LAMTOR3: variants seen among roughly 807,000 people sequenced by gnomAD.
LAMTOR3 encodes the protein ragulator complex protein LAMTOR3.
Under a neutral mutation model 20.3 loss-of-function variants are expected in LAMTOR3, and 14 were observed. That is an observed-to-expected ratio of 0.69 (90% CI 0.46 to 1.08). The LOEUF (loss-of-function observed/expected upper bound fraction) is 1.08. Ranked by LOEUF, LAMTOR3 falls within the 50% of genes least tolerant of loss-of-function variation. LAMTOR3 has a pLI of 0.00. For synonymous variants in LAMTOR3, 40 were observed against 49.4 expected (o/e 0.81, Z 0.80); for missense variants, 125 against 143.7 (o/e 0.87, Z 0.67).
At chr4:99,885,804 T>TCTAACTTAAAACAGATTA in intron 4 of LAMTOR3, 129 bp from the exon 5 acceptor site, 1 of 750,014 alleles carries the variant, frequency 1.3e-6, no homozygotes, top group East Asian at 2.9e-5. Flanking sequence ...TTGAAAATCA[T>TCTAACTTAAAACAGATTA]ATCACTAATG....
rs1045486623 is a variant in LAMTOR3, at chr4:99,881,874, T to C, written c.*120A>G. The C allele has an allele frequency of 2.2e-5, 15 of 692,600 alleles. No individual in the cohort carries two copies. Among genetic ancestry groups the C allele is most frequent in the African/African-American group, 1.7e-4 (9 of 54,094 alleles). 42.9% of individuals were successfully genotyped at this position (692,600 alleles called of 1,614,324 possible). A position where few individuals can be genotyped will look rare whatever the true frequency, so the allele number is the denominator to read the frequency against. ...CTATATGCTAGCTCTTTAGTATAAG[T>C]TGGAAAAAGGGGCCCTTTCTTGAGC... On this transcript the variant is annotated 3_prime_UTR_variant, in exon 7 of 7. Coordinates refer to ENST00000499666, the MANE Select transcript of LAMTOR3 (RefSeq NM_021970.4).
At chr4:99,892,089 T>C in intron 2 of LAMTOR3, 55 bp from the exon 3 acceptor site, 1 of 1,526,722 alleles carries the variant, frequency 6.5e-7, no homozygotes, top group Non-Finnish European at 8.7e-7. Context: ...CACTGTTTTC[T>C]AGATCCTGTC....
intron 5 of LAMTOR3, among the ~76,000 whole-genome samples, chr4:99,884,846 T>TCCCAGCTACTTGGGAGGCTGAGG (rs1724892193): frequency 6.6e-6 from 1 of 151,962 alleles, no homozygotes; most frequent in African/African-American, 2.4e-5. Flanking sequence ...ATGCCTGTAA[T>TCCCAGCTACTTGGGAGGCTGAGG]CCCAGCTACT....
At position 99,894,402 on chromosome 4, in the gene LAMTOR3, C is replaced by T. The variant is rs989218472; in HGVS notation, c.-105G>A. 6 of 159,142 alleles carry T rather than the reference C, an allele frequency of 3.8e-5. No homozygotes were observed. The highest frequency in any genetic ancestry group is 1.2e-4 in the African/African-American group (5 of 41,782). The allele number at this position is 159,142 out of a possible 1,614,324, so 9.9% of individuals were successfully genotyped here. On this transcript the variant is annotated 5_prime_UTR_variant, in exon 1 of 7. Coordinates refer to ENST00000499666, the MANE Select transcript of LAMTOR3 (RefSeq NM_021970.4). ...GGGACAGCTTTAAAGACAGGTTCCT[C>T]CTCAAGCCACCGTCACATGATTCAT...
chr4:99,887,284 G>C lies in LAMTOR3; in HGVS notation c.103+12C>G, dbSNP rs761208096. On this transcript the variant is annotated intron_variant, in intron 4 of 6. Transcript: ENST00000499666. Reference sequence around the variant, plus strand: ...GCAAAGAAGACATTTGCATTTAAATGTTCAGTTTTACCTTTAATAACAGGT... The same window carrying C: ...GCAAAGAAGACATTTGCATTTAAATCTTCAGTTTTACCTTTAATAACAGGT... 1.4e-5 allele frequency: 22 copies of C among 1,537,504 alleles called. No homozygotes were observed. Among genetic ancestry groups the C allele is most frequent in the Non-Finnish European group, 1.9e-5 (22 of 1,131,074 alleles).
chr4:99,880,683 T>C lies in LAMTOR3; in HGVS notation c.*1311A>G, dbSNP rs1360015713. On this transcript the variant is annotated 3_prime_UTR_variant, in exon 7 of 7. Transcript: ENST00000499666. ...ATTCTAGGGATAACAATCACACATA[T>C]TCTATGTGAAAGGCAACTCCCAGAG... 1.3e-5 allele frequency: 2 copies of C among 152,108 alleles called. No homozygotes were observed. The highest frequency in any genetic ancestry group is 4.8e-5 in the African/African-American group (2 of 41,414). The allele number at this position is 152,108 out of a possible 1,614,324, so 9.4% of individuals were successfully genotyped here.
intron 3 of LAMTOR3, among the ~76,000 whole-genome samples, chr4:99,891,472 C>T (rs1725021119): frequency 6.6e-6 from 1 of 152,186 alleles, no homozygotes; most frequent in Admixed American, 6.5e-5. Context: ...CAGATGCACA[C>T]TGTCATCAGT....
At chr4:99,889,246 G>A (rs1282680032) in intron 3 of LAMTOR3, among the ~76,000 whole-genome samples, 4 of 152,098 alleles carry the variant, frequency 2.6e-5, no homozygotes, top group Non-Finnish European at 5.9e-5. Context: ...ATTCTTCTAA[G>A]TTAAAAACTA....
At chr4:99,884,020 A>T (rs765961510) in intron 6 of LAMTOR3, 42 bp downstream of exon 6, 11 of 1,360,790 alleles carry the variant, frequency 8.1e-6, no homozygotes, top group Non-Finnish European at 1.1e-5. Flanking sequence ...TTAATTTTTT[A>T]AAATTAAGGA....
At chr4:99,884,531 A>G (rs1295571615) in intron 5 of LAMTOR3, among the ~76,000 whole-genome samples, 2 of 152,250 alleles carry the variant, frequency 1.3e-5, no homozygotes, top group African/African-American at 2.4e-5. Flanking sequence ...TGTAATTTAA[A>G]TTAAATTTAA....
chr4:99,881,906 A>G lies in LAMTOR3; in HGVS notation c.*88T>C. ...AAGGGGCCCTTTCTTGAGCACATGG[A>G]TAAAAGTATTATTGTAGTCTAAAGA... On this transcript the variant is annotated 3_prime_UTR_variant, in exon 7 of 7. Coordinates refer to ENST00000499666, the MANE Select transcript of LAMTOR3 (RefSeq NM_021970.4). 1.1e-6 allele frequency: 1 copy of G among 917,768 alleles called. No individual in the cohort carries two copies. Among genetic ancestry groups the G allele is most frequent in the South Asian group, 1.4e-5 (1 of 69,278 alleles). The allele number at this position is 917,768 out of a possible 1,614,324, so 56.9% of individuals were successfully genotyped here. A position where few individuals can be genotyped will look rare whatever the true frequency, so the allele number is the denominator to read the frequency against.
chr4:99,885,315 T>C (rs902441795), intron 5 of LAMTOR3, among the ~76,000 whole-genome samples: 5 of 152,166 alleles, frequency 3.3e-5, no homozygotes, highest in Admixed American at 3.3e-4. Context: ...TAGGATAACA[T>C]GTACTTTATT....
Position 99,894,021 on chromosome 4 carries a change from G to A in LAMTOR3, c.-37-21C>T, listed in dbSNP as rs1725075093. On this transcript the variant is annotated intron_variant, in intron 1 of 6. Coordinates refer to ENST00000499666, the MANE Select transcript of LAMTOR3 (RefSeq NM_021970.4). ...CACGCCTGGAAGAGAAACTCCCGGT[G>A]ACTCTTCCCTCTTTGGCTTCCTCGT... 4 of 1,468,190 alleles carry A rather than the reference G, an allele frequency of 2.7e-6. No individual in the cohort carries two copies. In the East Asian group the frequency reaches 1.0e-4, roughly 38 times the overall value. The allele number at this position is 1,468,190 out of a possible 1,614,324, so 90.9% of individuals were successfully genotyped here.
At chr4:99,890,638 A>C (rs975130979) in intron 3 of LAMTOR3, among the ~76,000 whole-genome samples, 49 of 152,164 alleles carry the variant, frequency 3.2e-4, no homozygotes, top group Non-Finnish European at 6.3e-4. Context: ...TAAAAAAAAA[A>C]CTGACAGTAC....
chr4:99,880,404 CCAACA>C lies in LAMTOR3; in HGVS notation c.*1585_*1589del, dbSNP rs200893711. 6,895 of 152,132 alleles carry C rather than the reference CCAACA, an allele frequency of 0.045. 222 individuals carry two copies. Among genetic ancestry groups the C allele is most frequent in the Middle Eastern group, 0.12 (34 of 292 alleles). 9.4% of individuals were successfully genotyped at this position (152,132 alleles called of 1,614,324 possible). ...AGTCAGGAGTTCAAGACCAGCCTGG[CCAACA>C]TGGTGAATTCCTGTCTCTACTAAAA... On this transcript the variant is annotated 3_prime_UTR_variant, in exon 7 of 7. Coordinates refer to ENST00000499666, the MANE Select transcript of LAMTOR3 (RefSeq NM_021970.4).
chr4:99,881,717 A>G lies in LAMTOR3; in HGVS notation c.*277T>C. 1 of 353,056 alleles carries G rather than the reference A, an allele frequency of 2.8e-6. No homozygotes were observed. Among genetic ancestry groups the G allele is most frequent in the Non-Finnish European group, 5.1e-6 (1 of 195,580 alleles). 21.9% of individuals were successfully genotyped at this position (353,056 alleles called of 1,614,324 possible). A position where few individuals can be genotyped will look rare whatever the true frequency, so the allele number is the denominator to read the frequency against. On this transcript the variant is annotated 3_prime_UTR_variant, in exon 7 of 7. Coordinates refer to ENST00000499666, the MANE Select transcript of LAMTOR3 (RefSeq NM_021970.4). ...ATCCACTGAATAGAATCTCTCATCC[A>G]TATCTGGTGACCAGACTAACTCCAT...
At chr4:99,886,693 T>C (rs547844296) in intron 4 of LAMTOR3, among the ~76,000 whole-genome samples, 101 of 152,262 alleles carry the variant, frequency 6.6e-4, no homozygotes, top group African/African-American at 1.6e-3. Context: ...AGGTGGAAAA[T>C]TGTAAACAAA....
chr4:99,884,022 A>C, intron 6 of LAMTOR3, 40 bp downstream of exon 6: 4 of 1,375,276 alleles, frequency 2.9e-6, no homozygotes, highest in Non-Finnish European at 4.1e-6. Flanking sequence ...AATTTTTTAA[A>C]ATTAAGGATT....
chr4:99,887,250 T>C (rs573324546), intron 4 of LAMTOR3, 46 bp downstream of exon 4: 122 of 1,271,408 alleles, frequency 9.6e-5, no homozygotes, highest in Non-Finnish European at 1.3e-4. Context: ...CACACATTTT[T>C]AGTCAAAAGC....
Sources: gnomAD v4.1 joint callset for allele counts (sites outside exome capture counted in the v4.1 genomes callset) on GRCh38, gnomAD v4.1.1 for gene constraint, MANE v1.5 for transcripts, NCBI Gene and HGNC (gene_info 2026-07-23, HGNC 2026-07-21) for gene names.